Variants in SOX5 observed in about 807,000 individuals in gnomAD.
SOX5 encodes transcription factor SOX-5.
A neutral mutation model predicts 92.0 loss-of-function variants in SOX5; 9 were observed. The ratio of observed to expected loss-of-function variants is 0.10; its 90% CI spans 0.06 to 0.17. The LOEUF (loss-of-function observed/expected upper bound fraction) is 0.17, where lower values mean the gene tolerates loss of function less well. Among genes scored for constraint, SOX5 ranks in the 10% least tolerant of loss-of-function variants. The pLI is 1.00. For missense variants in SOX5, 642 were observed against 944.5 expected (o/e 0.68, Z 4.20); for synonymous variants, 344 against 336.3 (o/e 1.02, Z -0.25).
chr12:23,801,988 T>C (rs1035072284), intron 3 of SOX5, among the ~76,000 whole-genome samples: 5 of 152,148 alleles, frequency 3.3e-5, no homozygotes, highest in African/African-American at 1.2e-4. Flanking sequence ...TTCTGGGAAA[T>C]GCATGCTACA....
intron 1 of SOX5, among the ~76,000 whole-genome samples, chr12:24,379,648 A>G (rs1194373189): frequency 6.6e-6 from 1 of 152,202 alleles, no homozygotes; most frequent in Non-Finnish European, 1.5e-5. Flanking sequence ...ATTCAAAGTG[A>G]CACAGAGACA....
In SOX5 at chr12:23,838,895, A is replaced by G. The variant is rs111819917; in HGVS notation, c.481+7088T>C. Among the ~76,000 whole-genome samples, 814 of 144,712 alleles carry G rather than the reference A, an allele frequency of 5.6e-3. 8 individuals are homozygous for G. The highest frequency in any genetic ancestry group is 0.02 in the African/African-American group (778 of 39,268). 94.9% of individuals were successfully genotyped at this position (144,712 alleles called of 152,430 possible). A position where few individuals can be genotyped will look rare whatever the true frequency, so the allele number is the denominator to read the frequency against. ...CGCTTTGTCACCCAGGCTGGAGTGC[A>G]GTGGCACCATCTTGGCTCACTGCAA... is the stretch of plus-strand genomic sequence containing the variant. On this transcript the variant is annotated intron_variant, in intron 3 of 14. Transcript: ENST00000451604.
intron 4 of SOX5, among the ~76,000 whole-genome samples, chr12:24,177,625 T>A (rs950454397): frequency 6.6e-6 from 1 of 152,222 alleles, no homozygotes; most frequent in Admixed American, 6.5e-5. Flanking sequence ...CTCCCATAAG[T>A]ATATTCTGTG....
At chr12:24,076,111 C>T (rs557851532) in intron 4 of SOX5, among the ~76,000 whole-genome samples, 1 of 152,214 alleles carries the variant, frequency 6.6e-6, no homozygotes, top group South Asian at 2.1e-4. Flanking sequence ...TTTCTTTCTC[C>T]CTTCTTACAG....
chr12:23,604,680 C>T (rs2075016784), intron 8 of SOX5, 147 bp from the exon 9 acceptor site: 1 of 717,930 alleles, frequency 1.4e-6, no homozygotes, highest in Admixed American at 2.9e-5. Flanking sequence ...AAGAAGCTGT[C>T]ACCTCAGATT....
chr12:23,609,666 A>T (rs1460393755), intron 8 of SOX5, among the ~76,000 whole-genome samples: 1 of 150,820 alleles, frequency 6.6e-6, no homozygotes, highest in Non-Finnish European at 1.5e-5. Context: ...AAACACATAT[A>T]CTATATTTTT....
At chr12:24,227,433 C>T (rs1413454294) in intron 3 of SOX5, 3 of 152,156 alleles carry the variant, frequency 2.0e-5, no homozygotes, top group African/African-American at 7.2e-5. Flanking sequence ...TCCTTTTACC[C>T]TTGAAGTGGA....
At chr12:24,117,667 C>T (rs1262629062) in intron 4 of SOX5, among the ~76,000 whole-genome samples, 1 of 152,118 alleles carries the variant, frequency 6.6e-6, no homozygotes, top group Non-Finnish European at 1.5e-5. Flanking sequence ...CATTCACGAC[C>T]ACATGAATGG....
At chr12:24,234,669 C>A (rs1348031964) in intron 3 of SOX5, among the ~76,000 whole-genome samples, 1 of 152,178 alleles carries the variant, frequency 6.6e-6, no homozygotes, top group Non-Finnish European at 1.5e-5. Context: ...TGCTGGTGAG[C>A]CACCACGCCG....
At chr12:23,993,888 TATGTATGTATGTATGTATGTATGTATGC>T (rs1950785961) in intron 4 of SOX5, among the ~76,000 whole-genome samples, 1 of 151,716 alleles carries the variant, frequency 6.6e-6, no homozygotes, top group African/African-American at 2.4e-5. Context: ...TGTATGTATG[TATGTATGTATGTATGTATGTATGTATGC>T]ATGTATGCAT....
chr12:23,641,324 T>C (rs1592852603), intron 7 of SOX5, among the ~76,000 whole-genome samples: 1 of 152,208 alleles, frequency 6.6e-6, no homozygotes, highest in African/African-American at 2.4e-5. Flanking sequence ...TTAAACAAAG[T>C]AGCTTATCTT....
At chr12:24,019,560 G>A (rs767146545) in intron 4 of SOX5, among the ~76,000 whole-genome samples, 5 of 152,194 alleles carry the variant, frequency 3.3e-5, no homozygotes, top group Non-Finnish European at 5.9e-5. Flanking sequence ...CAAGCAAACA[G>A]CTATGTTTAT....
chr12:23,873,116 T>C (rs1317137109), intron 2 of SOX5, among the ~76,000 whole-genome samples: 2 of 152,144 alleles, frequency 1.3e-5, no homozygotes. Context: ...TAAGCAAAAA[T>C]ACTTTTTTTC....
chr12:23,752,314 A>G (rs1423872622), intron 4 of SOX5, among the ~76,000 whole-genome samples: 2 of 151,912 alleles, frequency 1.3e-5, no homozygotes, highest in Non-Finnish European at 2.9e-5. Context: ...CTGGTCTAGA[A>G]TTTTTTAAAG....
At chr12:23,890,189 G>C (rs948881472) in intron 2 of SOX5, among the ~76,000 whole-genome samples, 2 of 151,926 alleles carry the variant, frequency 1.3e-5, no homozygotes, top group Non-Finnish European at 2.9e-5. Context: ...GCATGGTGGC[G>C]GGTGCCTGTA....
chr12:24,354,144 G>A (rs1954489415), intron 2 of SOX5, among the ~76,000 whole-genome samples: 1 of 152,232 alleles, frequency 6.6e-6, no homozygotes, highest in African/African-American at 2.4e-5. Flanking sequence ...TGCAAGGTAT[G>A]AGAGCATACA....
chr12:23,741,732 G>C (rs2093804311), intron 4 of SOX5, among the ~76,000 whole-genome samples: 1 of 152,132 alleles, frequency 6.6e-6, no homozygotes, highest in African/African-American at 2.4e-5. Context: ...ATTCAAGTTT[G>C]AGAACACAAA....
chr12:24,066,035 G>C (rs755418674), intron 4 of SOX5, among the ~76,000 whole-genome samples: 6 of 151,784 alleles, frequency 4.0e-5, no homozygotes, highest in Non-Finnish European at 2.9e-5. Context: ...AATGCCTTAA[G>C]GAACTTACAG....
intron 6 of SOX5, among the ~76,000 whole-genome samples, chr12:23,715,571 C>G (rs1049153500): frequency 6.6e-6 from 1 of 152,092 alleles, no homozygotes; most frequent in African/African-American, 2.4e-5. Flanking sequence ...CATTATTACT[C>G]TAAGTACCTT....
Sources: allele counts gnomAD v4.1 joint callset (sites outside exome capture counted in the v4.1 genomes callset), GRCh38; gene constraint gnomAD v4.1.1; transcripts MANE v1.5; gene names NCBI Gene and HGNC (gene_info 2026-07-23, HGNC 2026-07-21).